The following ZNF83 variants were observed in gnomAD, a reference collection of about 807,000 sequenced individuals.
ZNF83 encodes the protein zinc finger protein 816B.
For missense variants in ZNF83, 552 were observed against 629.9 expected (o/e 0.88, Z 1.32); for synonymous variants, 209 against 213.0 (o/e 0.98, Z 0.17).
intron 2 of ZNF83, among the ~76,000 whole-genome samples, chr19:52,616,559 G>C (rs1461213873): frequency 6.6e-6 from 1 of 152,006 alleles, no homozygotes; most frequent in Non-Finnish European, 1.5e-5. Context: ...AAAGAACGAG[G>C]TTGGCAGGAC....
chr19:52,613,160 G>C (rs571856338), exon 3 of ZNF83: 1 of 1,612,662 alleles, frequency 6.2e-7, no homozygotes, highest in South Asian at 1.1e-5. Context: ...AGGCTTGAAC[G>C]CATACTAAAA....
intron 1 of ZNF83, among the ~76,000 whole-genome samples, chr19:52,661,806 T>A (rs964063013): frequency 2.0e-5 from 3 of 152,110 alleles, no homozygotes; most frequent in African/African-American, 7.2e-5. Flanking sequence ...GGGGCTGCAA[T>A]GTCAAATGGG....
chr19:52,633,354 C>T (rs2061037887), intron 2 of ZNF83, among the ~76,000 whole-genome samples: 1 of 152,234 alleles, frequency 6.6e-6, no homozygotes, highest in African/African-American at 2.4e-5. Flanking sequence ...TTATTGCTCA[C>T]ACAAAGCCTG....
intron 2 of ZNF83, among the ~76,000 whole-genome samples, chr19:52,627,847 C>A (rs1470596266): frequency 6.6e-6 from 1 of 152,262 alleles, no homozygotes; most frequent in South Asian, 2.1e-4. Context: ...CCTGCACGTA[C>A]ACATCCAGAT....
chr19:52,674,034 A>C (rs2061765291), intron 1 of ZNF83: 1 of 152,366 alleles, frequency 6.6e-6, no homozygotes, highest in Non-Finnish European at 1.5e-5. Context: ...AAAAAAAAAA[A>C]AAAATTACCA....
At chr19:52,633,537 G>T (rs1027171178) in intron 2 of ZNF83, among the ~76,000 whole-genome samples, 1 of 152,212 alleles carries the variant, frequency 6.6e-6, no homozygotes, top group Admixed American at 6.5e-5. Flanking sequence ...AAGGAGGGTG[G>T]AGGATGTGAC....
intron 1 of ZNF83, among the ~76,000 whole-genome samples, chr19:52,688,963 A>T (rs1785453050): frequency 6.6e-6 from 1 of 151,920 alleles, no homozygotes; most frequent in South Asian, 2.1e-4. Context: ...AAAAAAAAAA[A>T]AAAAAAAAAG....
At chr19:52,686,921 T>C (rs7260334) in intron 1 of ZNF83, among the ~76,000 whole-genome samples, 97,571 of 151,522 alleles carry the variant, frequency 0.64, 31,678 homozygotes, top group African/African-American at 0.73. Context: ...GTGGCTCACA[T>C]CTGTAATCCC....
At chr19:52,670,813 G>A (rs1368672690) in intron 1 of ZNF83, among the ~76,000 whole-genome samples, 1 of 152,162 alleles carries the variant, frequency 6.6e-6, no homozygotes, top group Non-Finnish European at 1.5e-5. Context: ...GAGCTTCCAG[G>A]CTACAGGTAA....
At chr19:52,666,876 T>A (rs2061661091) in intron 1 of ZNF83, among the ~76,000 whole-genome samples, 1 of 152,192 alleles carries the variant, frequency 6.6e-6, no homozygotes, top group Admixed American at 6.5e-5. Context: ...ACATAATGGG[T>A]ATTCAATAAG....
At chr19:52,689,951 C>A (rs907292726) in intron 1 of ZNF83, among the ~76,000 whole-genome samples, 1 of 152,176 alleles carries the variant, frequency 6.6e-6, no homozygotes, top group African/African-American at 2.4e-5. Flanking sequence ...TGGGGAGCAG[C>A]AGGGCCCGGC....
At chr19:52,621,430 T>C (rs2060539961) in intron 2 of ZNF83, among the ~76,000 whole-genome samples, 6 of 151,394 alleles carry the variant, frequency 4.0e-5, no homozygotes, top group Admixed American at 1.3e-4. Flanking sequence ...GGTCACGGAC[T>C]TGGGAAGACA....
chr19:52,657,636 TC>T (rs1352022275), intron 2 of ZNF83, among the ~76,000 whole-genome samples: 1 of 152,164 alleles, frequency 6.6e-6, no homozygotes, highest in East Asian at 1.9e-4. Flanking sequence ...TCACCTGAGG[TC>T]AGGAATTCGC....
At chr19:52,682,995 T>TCCC (rs2061947703) in intron 1 of ZNF83, among the ~76,000 whole-genome samples, 2 of 152,154 alleles carry the variant, frequency 1.3e-5, no homozygotes, top group Non-Finnish European at 2.9e-5. Context: ...CTCAGCCTTT[T>TCCC]GAGTAGCTGA....
intron 1 of ZNF83, among the ~76,000 whole-genome samples, chr19:52,664,895 A>G (rs947112079): frequency 1.3e-5 from 2 of 152,142 alleles, no homozygotes; most frequent in Non-Finnish European, 2.9e-5. Context: ...TGAGGCTGGA[A>G]CAGCTCAGGA....
intron 1 of ZNF83, among the ~76,000 whole-genome samples, chr19:52,682,856 G>C (rs904139596): frequency 6.6e-6 from 1 of 152,010 alleles, no homozygotes; most frequent in Non-Finnish European, 1.5e-5. Flanking sequence ...GCCACAGAGC[G>C]ACACCTTCTC....
rs559489937 is a variant in ZNF83, at chr19:52,686,448, CA to C, written c.-283+3994del. ...TAAGATTTTTCTCAAACTCCAACTGCAAAAAAATTACATATATATATATATA... is the reference window on the plus strand; with the variant it reads ...TAAGATTTTTCTCAAACTCCAACTGCAAAAAATTACATATATATATATATA... On this transcript the variant is annotated intron_variant, in intron 1 of 5. Transcript: ENST00000594682. Among the ~76,000 whole-genome samples, 381 of 91,168 alleles carry C rather than the reference CA, an allele frequency of 4.2e-3. 1 individual carries two copies. The highest frequency in any genetic ancestry group is 0.019 in the African/African-American group (365 of 19,322). The allele number at this position is 91,168 out of a possible 152,430, so 59.8% of individuals were successfully genotyped here. A position where few individuals can be genotyped will look rare whatever the true frequency, so the allele number is the denominator to read the frequency against.
intron 2 of ZNF83, among the ~76,000 whole-genome samples, chr19:52,657,865 G>C (rs1319035313): frequency 2.7e-5 from 4 of 148,626 alleles, no homozygotes; most frequent in Non-Finnish European, 6.0e-5. Flanking sequence ...AAACAGGCAT[G>C]GTGGCTCATG....
At chr19:52,652,357 C>G in intron 3 of ZNF83, 2 of 311,406 alleles carry the variant, frequency 6.4e-6, no homozygotes, top group South Asian at 5.6e-5. Flanking sequence ...ATCGTATGAA[C>G]CTGGGAGGTG....
Sources: gnomAD v4.1 joint callset for allele counts (sites outside exome capture counted in the v4.1 genomes callset) on GRCh38, gnomAD v4.1.1 for gene constraint, MANE v1.5 for transcripts, NCBI Gene and HGNC (gene_info 2026-07-23, HGNC 2026-07-21) for gene names.